Variants in TMEM232 observed in about 807,000 individuals in gnomAD.
TMEM232 encodes the protein transmembrane protein 232.
A neutral mutation model predicts 78.8 loss-of-function variants in TMEM232; 80 were observed. The observed-to-expected ratio is 1.01, with a 90% confidence interval of 0.85 to 1.22. The LOEUF (loss-of-function observed/expected upper bound fraction) is 1.22, where lower values mean the gene tolerates loss of function less well. TMEM232 is among the 50% of genes most tolerant of loss of function. TMEM232 has a pLI of 0.00. For synonymous variants in TMEM232, 297 were observed against 254.3 expected (o/e 1.17, Z -1.60); for missense variants, 881 against 742.2 (o/e 1.19, Z -2.17).
At chr5:110,609,435 G>C (rs1018919969) in intron 8 of TMEM232, among the ~76,000 whole-genome samples, 3 of 151,812 alleles carry the variant, frequency 2.0e-5, no homozygotes, top group Non-Finnish European at 4.4e-5. Flanking sequence ...ATTTTGCATA[G>C]AATCAGAGAA....
chr5:110,461,379 GA>G (rs1372045173), intron 12 of TMEM232, among the ~76,000 whole-genome samples: 1 of 152,168 alleles, frequency 6.6e-6, no homozygotes, highest in Non-Finnish European at 1.5e-5. Context: ...TGAAGACTGA[GA>G]GAGGTAAAGA....
chr5:110,504,888 C>A (rs935075846), intron 12 of TMEM232, among the ~76,000 whole-genome samples: 1 of 152,170 alleles, frequency 6.6e-6, no homozygotes, highest in Non-Finnish European at 1.5e-5. Flanking sequence ...AATGCCCAGG[C>A]AAGTTGACAC....
At chr5:110,540,680 T>C (rs1002386570) in intron 11 of TMEM232, among the ~76,000 whole-genome samples, 27 of 152,182 alleles carry the variant, frequency 1.8e-4, no homozygotes, top group African/African-American at 5.3e-4. Flanking sequence ...CGTAGTACAA[T>C]TGAAGCCCAG....
At chr5:110,389,264 C>A (rs111640632) in intron 4 of TMEM232, among the ~76,000 whole-genome samples, 1 of 111,930 alleles carries the variant, frequency 8.9e-6, no homozygotes, top group African/African-American at 6.3e-5. Flanking sequence ...CCATCTCAAA[C>A]AAACAAACAA....
At chr5:110,680,638 C>A (rs1339999513) in intron 1 of TMEM232, among the ~76,000 whole-genome samples, 1 of 151,798 alleles carries the variant, frequency 6.6e-6, no homozygotes, top group Non-Finnish European at 1.5e-5. Flanking sequence ...AAAACCTTCT[C>A]TAAAAAGAAG....
chr5:110,608,539 T>C (rs945582989), intron 8 of TMEM232, among the ~76,000 whole-genome samples: 4 of 152,054 alleles, frequency 2.6e-5, no homozygotes, highest in East Asian at 1.9e-4. Flanking sequence ...TTGATTCTTC[T>C]TTTCTCTTTC....
At chr5:110,584,280 A>G (rs1408606184) in intron 10 of TMEM232, among the ~76,000 whole-genome samples, 1 of 151,860 alleles carries the variant, frequency 6.6e-6, no homozygotes, top group Non-Finnish European at 1.5e-5. Context: ...TGGATAAGGA[A>G]AATGTCATAT....
chr5:110,650,826 T>C (rs1788199147), intron 2 of TMEM232, among the ~76,000 whole-genome samples: 1 of 151,934 alleles, frequency 6.6e-6, no homozygotes, highest in African/African-American at 2.4e-5. Context: ...CCCTTAATAG[T>C]CATGTATTAA....
chr5:110,499,970 T>G (rs1041061860), intron 12 of TMEM232, among the ~76,000 whole-genome samples: 2 of 152,100 alleles, frequency 1.3e-5, no homozygotes, highest in African/African-American at 4.8e-5. Flanking sequence ...CATTTACTAA[T>G]ATAGGCCAAA....
chr5:110,598,682 TA>T (rs1332922379), intron 10 of TMEM232, among the ~76,000 whole-genome samples: 4 of 151,658 alleles, frequency 2.6e-5, no homozygotes, highest in Admixed American at 2.6e-4. Context: ...TATGCAGCCA[TA>T]AAAAATGAGG....
intron 8 of TMEM232, among the ~76,000 whole-genome samples, chr5:110,610,309 G>A (rs1200026698): frequency 7.9e-6 from 1 of 127,340 alleles, no homozygotes; most frequent in Non-Finnish European, 1.7e-5. Flanking sequence ...TTATAGTTAT[G>A]AAGTAAATGG....
chr5:110,599,586 T>C (rs1208499107), intron 10 of TMEM232, among the ~76,000 whole-genome samples: 1 of 152,072 alleles, frequency 6.6e-6, no homozygotes, highest in Non-Finnish European at 1.5e-5. Context: ...CATTACATAA[T>C]GGTAAAGGGA....
At chr5:110,496,848 C>T (rs1280284898) in intron 12 of TMEM232, among the ~76,000 whole-genome samples, 1 of 151,940 alleles carries the variant, frequency 6.6e-6, no homozygotes, top group Non-Finnish European at 1.5e-5. Flanking sequence ...TTCTATGTCA[C>T]TCAGCTACAC....
In TMEM232 at chr5:110,610,635, T is replaced by C. The variant is rs138631758; in HGVS notation, c.903-4348A>G. On this transcript the variant is annotated intron_variant, in intron 8 of 13. Transcript: ENST00000455884. ...ACAAGAAAGGGTGCCAGTTAACTCC[T>C]GCCTACTAAATCACAAAGATGTTCC... 6.9e-3 allele frequency: 2,939 copies of C among 423,864 alleles called. 85 individuals carry two copies. Among genetic ancestry groups the C allele is most frequent in the Admixed American group, 0.054 (1,800 of 33,128 alleles). The allele number at this position is 423,864 out of a possible 1,614,324, so 26.3% of individuals were successfully genotyped here. A position where few individuals can be genotyped will look rare whatever the true frequency, so the allele number is the denominator to read the frequency against.
chr5:110,623,625 T>C (rs1264004757), intron 7 of TMEM232, among the ~76,000 whole-genome samples: 3 of 152,118 alleles, frequency 2.0e-5, no homozygotes, highest in Admixed American at 1.3e-4. Flanking sequence ...CTGGAGAAAC[T>C]GGGCTGAAAC....
intron 11 of TMEM232, among the ~76,000 whole-genome samples, chr5:110,567,674 C>T (rs1248070812): frequency 6.6e-6 from 1 of 151,838 alleles, no homozygotes; most frequent in Non-Finnish European, 1.5e-5. Context: ...GGTAACCCAA[C>T]AAAGGAACTT....
rs142953055 is a variant in TMEM232 at position 110,517,072 on chromosome 5, T to C, written c.1703+11516A>G. ...TTGGCTTCTTGCCGTCTTTCACATT[T>C]CCACTTGTTGAAAACACAAAATGGA... On this transcript the variant is annotated intron_variant, in intron 12 of 13. Transcript: ENST00000455884. 3.9e-4 allele frequency among the ~76,000 whole-genome samples: 59 copies of C among 152,344 alleles called. 1 individual carries two copies. The highest frequency in any genetic ancestry group is 3.4e-3 in the Middle Eastern group (1 of 292).
chr5:110,525,636 G>A (rs1770464162), intron 12 of TMEM232, among the ~76,000 whole-genome samples: 1 of 151,532 alleles, frequency 6.6e-6, no homozygotes. Flanking sequence ...ATTTTTTTAA[G>A]TGATGCAAGT....
At chr5:110,410,663 G>A (rs927760512) in intron 2 of TMEM232, among the ~76,000 whole-genome samples, 7 of 152,144 alleles carry the variant, frequency 4.6e-5, no homozygotes, top group African/African-American at 1.4e-4. Flanking sequence ...AATGACTGAT[G>A]TTTATTGAGA....
Sources: gnomAD v4.1 joint callset for allele counts (sites outside exome capture counted in the v4.1 genomes callset) on GRCh38, gnomAD v4.1.1 for gene constraint, MANE v1.5 for transcripts, NCBI Gene and HGNC (gene_info 2026-07-23, HGNC 2026-07-21) for gene names.